The following BACC1 variants were observed in gnomAD, a reference collection of about 807,000 sequenced individuals.
The protein encoded by BACC1 is BPTF-associated chromatin complex component 1.
chr17:7,017,189 G>C, the BACC1 span: 1 of 1,606,512 alleles, frequency 6.2e-7, no homozygotes, highest in African/African-American at 1.3e-5. Flanking sequence ...GTTTCAGGGA[G>C]GTGGGAGTGG....
the BACC1 span, chr17:7,015,146 TCTC>T: frequency 5.1e-6 from 8 of 1,576,070 alleles, no homozygotes; most frequent in South Asian, 2.3e-5. Context: ...GGCCGACTCT[TCTC>T]CTGCGGGGTA....
chr17:7,015,390 A>G, the BACC1 span: 1 of 1,372,292 alleles, frequency 7.3e-7, no homozygotes, highest in East Asian at 2.9e-5. Flanking sequence ...GAACGGGTCG[A>G]CCACAAACCA....
the BACC1 span, chr17:7,016,377 G>T: frequency 6.1e-6 from 7 of 1,153,504 alleles, no homozygotes; most frequent in Non-Finnish European, 8.7e-6. Flanking sequence ...CTACCAATGG[G>T]TTGGGGCCCC....
chr17:7,017,369 C>G, the BACC1 span: 1 of 1,552,198 alleles, frequency 6.4e-7, no homozygotes, highest in East Asian at 2.2e-5. Context: ...CTGTGGATCT[C>G]CTGGGACTCC....
the BACC1 span, chr17:7,015,906 G>A: frequency 6.3e-7 from 1 of 1,583,922 alleles, no homozygotes; most frequent in Non-Finnish European, 8.7e-7. Context: ...GAAAAGGGCG[G>A]GTGGGCAGCC....
the BACC1 span, chr17:7,016,721 G>T: frequency 6.3e-7 from 1 of 1,590,542 alleles, no homozygotes; most frequent in Non-Finnish European, 8.6e-7. Flanking sequence ...GGGGTTAAAG[G>T]TCCCATCTGA....
At chr17:7,016,799 C>T in the BACC1 span, 1 of 1,524,164 alleles carries the variant, frequency 6.6e-7, no homozygotes, top group Non-Finnish European at 9.0e-7. Flanking sequence ...TGTGGAGGTT[C>T]CCAGAGAGGG....
chr17:7,015,064 C>A, the BACC1 span: 1 of 1,546,836 alleles, frequency 6.5e-7, no homozygotes, highest in Non-Finnish European at 8.6e-7. Context: ...GCCCCCAGGT[C>A]GGAGAGATCT....
the BACC1 span, chr17:7,015,965 C>T: frequency 2.9e-6 from 3 of 1,039,736 alleles, no homozygotes; most frequent in Non-Finnish European, 4.4e-6. Context: ...TCCTTTCCAG[C>T]TCAGCTGCTT....
chr17:7,014,849 C>G, the BACC1 span: 1 of 1,531,962 alleles, frequency 6.5e-7, no homozygotes, highest in Non-Finnish European at 8.7e-7. This position sits in a 1 kb window ranked among gnomAD's most constrained non-coding sequence, Gnocchi z 4.5. Flanking sequence ...TGAGGAGGCG[C>G]GCGGGGCCAT....
chr17:7,014,981 C>G, the BACC1 span: 2 of 1,411,396 alleles, frequency 1.4e-6, no homozygotes, highest in Non-Finnish European at 1.8e-6. The surrounding 1 kb of genome is among the most constrained non-coding windows in gnomAD (Gnocchi z 4.5). Flanking sequence ...GGGCGGGAGC[C>G]GAGCCTGGGG....
chr17:7,015,703 A>C, the BACC1 span: 1 of 1,466,710 alleles, frequency 6.8e-7, no homozygotes, highest in Admixed American at 1.8e-5. Context: ...TGGCTGTGGG[A>C]TGCATAGCCT....
chr17:7,017,091 C>G, the BACC1 span: 2 of 1,536,682 alleles, frequency 1.3e-6, no homozygotes, highest in Non-Finnish European at 1.8e-6. Context: ...GCACGGTCTC[C>G]GCAGGGGCCC....
chr17:7,017,085 G>C, the BACC1 span: 1 of 1,533,922 alleles, frequency 6.5e-7, no homozygotes, highest in Non-Finnish European at 9.0e-7. Flanking sequence ...GGCAGGGCAC[G>C]GTCTCCGCAG....
At chr17:7,015,503 T>C in the BACC1 span, 2 of 1,376,722 alleles carry the variant, frequency 1.5e-6, no homozygotes, top group Non-Finnish European at 1.9e-6. Context: ...TTGGTTTCAG[T>C]GTGCTGTGTA....
the BACC1 span, chr17:7,014,961 G>A: frequency 2.8e-6 from 4 of 1,452,814 alleles, no homozygotes; most frequent in Non-Finnish European, 3.6e-6. This position sits in a 1 kb window ranked among gnomAD's most constrained non-coding sequence, Gnocchi z 4.5. Flanking sequence ...TTCCGCCCCG[G>A]GCGGGGGGCG....
the BACC1 span, chr17:7,016,368 T>C: frequency 3.2e-6 from 3 of 944,508 alleles, no homozygotes; most frequent in Non-Finnish European, 4.8e-6. Flanking sequence ...GTGAGAACCC[T>C]ACCAATGGGT....
chr17:7,015,734 C>G, the BACC1 span: 7 of 1,574,648 alleles, frequency 4.4e-6, no homozygotes, highest in Non-Finnish European at 6.1e-6. Context: ...TCCACACCCC[C>G]CCTCCCATTT....
chr17:7,017,022 T>G, the BACC1 span: 2 of 1,600,874 alleles, frequency 1.2e-6, no homozygotes, highest in Non-Finnish European at 1.7e-6. Context: ...AGGGTAGGAG[T>G]CCTCCTCCTC....
Sources: gnomAD v4.1 joint callset for allele counts on GRCh38, gnomAD v4.1.1 for gene constraint, Gnocchi (gnomAD v3.1) non-coding constraint, MANE v1.5 for transcripts, NCBI Gene and HGNC (gene_info 2026-07-23, HGNC 2026-07-21) for gene names.